Variants in SEM1 observed in about 807,000 individuals in gnomAD.
SEM1 encodes SEM1 26S proteasome subunit.
In SEM1, 3 loss-of-function variants were observed where a neutral mutation model predicts 12.7. That is an observed-to-expected ratio of 0.24 (90% CI 0.11 to 0.61). The LOEUF is 0.61. SEM1 is among the 20% of genes least tolerant of loss of function. SEM1 has a pLI of 0.88. For missense variants in SEM1, 59 were observed against 81.3 expected (o/e 0.73, Z 1.06); for synonymous variants, 30 against 27.8 (o/e 1.08, Z -0.25).
intron 2 of SEM1, among the ~76,000 whole-genome samples, chr7:96,654,462 C>T (rs868476111): frequency 4.6e-5 from 7 of 152,158 alleles, no homozygotes; most frequent in Admixed American, 1.3e-4. Context: ...TCATAGAAAC[C>T]ATACTTTGAA....
intron 2 of SEM1, among the ~76,000 whole-genome samples, chr7:96,615,241 CTTTTTTTTTTTTTTT>C (rs60940244): frequency 7.9e-6 from 1 of 126,410 alleles, no homozygotes; most frequent in Admixed American, 8.7e-5. Context: ...TTTGAGTCAT[CTTTTTTTTTTTTTTT>C]TTTTTTTTTG....
intron 2 of SEM1, among the ~76,000 whole-genome samples, chr7:96,693,860 G>A (rs947336494): frequency 2.7e-5 from 4 of 150,864 alleles, no homozygotes; most frequent in African/African-American, 9.7e-5. Context: ...GTACACGTAC[G>A]TTCATAGCAG....
At chr7:96,669,439 A>G (rs567839874), downstream of SEM1, among the ~76,000 whole-genome samples, 1 of 152,338 alleles carries the variant, frequency 6.6e-6, no homozygotes, top group African/African-American at 2.4e-5. Flanking sequence ...AATTTCATAT[A>G]ATTTTCCTGA....
intron 1 of SEM1, among the ~76,000 whole-genome samples, chr7:96,703,981 A>G (rs1790357441): frequency 7.9e-6 from 1 of 126,580 alleles, no homozygotes; most frequent in African/African-American, 2.8e-5. Context: ...AAACACACAC[A>G]CACACACACA....
rs376530491 is a variant in SEM1, at chr7:96,605,349, G to C, written c.170+89449C>G. On this transcript the variant is annotated intron_variant and NMD_transcript_variant, in intron 2 of 3. Coordinates refer to the SEM1 transcript ENST00000466986. ...CCCAAAATAAATATTTCATGTGAAG[G>C]CCAACAATGAAAAACAATAGGAAAA... Among the ~76,000 whole-genome samples the C allele has an allele frequency of 1.9e-4, 29 of 152,118 alleles. No homozygotes were observed. In the East Asian group the frequency reaches 2.5e-3, roughly 13 times the overall value.
chr7:96,639,161 G>A (rs1393441676), intron 2 of SEM1, among the ~76,000 whole-genome samples: 1 of 151,948 alleles, frequency 6.6e-6, no homozygotes, highest in Non-Finnish European at 1.5e-5. Flanking sequence ...AACTGGGAAT[G>A]ATCTCCAGTT....
intron 2 of SEM1, chr7:96,673,890 T>C (rs1323461149): frequency 1.4e-5 from 11 of 762,512 alleles, no homozygotes; most frequent in Non-Finnish European, 2.2e-5. Context: ...AAGCAAACTT[T>C]TAAGTATCAA....
intron 2 of SEM1, among the ~76,000 whole-genome samples, chr7:96,539,704 T>C (rs1451255015): frequency 4.0e-5 from 6 of 151,740 alleles, no homozygotes; most frequent in East Asian, 3.9e-4. Context: ...ATAAGCCTCC[T>C]GGGGCAAAAA....
intron 2 of SEM1, among the ~76,000 whole-genome samples, chr7:96,637,627 C>T (rs2116372534): frequency 6.6e-6 from 1 of 152,012 alleles, no homozygotes; most frequent in East Asian, 1.9e-4. Context: ...ATGAGGGGCC[C>T]AGTTCACTCT....
At chr7:96,582,154 C>T (rs1806432411) in intron 2 of SEM1, among the ~76,000 whole-genome samples, 1 of 151,380 alleles carries the variant, frequency 6.6e-6, no homozygotes, top group South Asian at 2.1e-4. Context: ...CCATCAATAC[C>T]TAATTTATTG....
chr7:96,596,781 T>G (rs1807011069), intron 2 of SEM1, among the ~76,000 whole-genome samples: 1 of 152,202 alleles, frequency 6.6e-6, no homozygotes, highest in African/African-American at 2.4e-5. Flanking sequence ...TTTTTTGTCT[T>G]TGTCAAAACA....
chr7:96,673,645 A>C (rs1789379380), exon 3 of SEM1: 4 of 665,588 alleles, frequency 6.0e-6, no homozygotes, highest in Middle Eastern at 2.4e-4. Context: ...CTCCCTCCTT[A>C]CTGACTCCAT....
At chr7:96,607,870 T>C (rs1807429894) in intron 2 of SEM1, among the ~76,000 whole-genome samples, 1 of 152,214 alleles carries the variant, frequency 6.6e-6, no homozygotes, top group African/African-American at 2.4e-5. Context: ...GCACCTTCCC[T>C]TTTTATCCAT....
intron 3 of SEM1, chr7:96,484,073 A>C: frequency 2.4e-6 from 3 of 1,244,284 alleles, no homozygotes; most frequent in Non-Finnish European, 3.3e-6. Context: ...CTTCACAACA[A>C]CCCTATAGGG....
chr7:96,592,457 G>A (rs1452457554), intron 2 of SEM1, among the ~76,000 whole-genome samples: 2 of 151,860 alleles, frequency 1.3e-5, no homozygotes, highest in East Asian at 3.9e-4. Flanking sequence ...TTAAGCACAG[G>A]CAGCTGGAGA....
In SEM1 at chr7:96,527,374, A is replaced by G. The variant is rs565516698; in HGVS notation, c.171-20676T>C. 6.2e-4 allele frequency among the ~76,000 whole-genome samples: 94 copies of G among 152,252 alleles called. 2 individuals are homozygous for G. The South Asian group carries it at 0.018, about 30-fold the overall frequency. Reference sequence around the variant, plus strand: ...GTCACTTCTAATTTCTCTGGTTCCCATGATTTAGAGCAGACCCAGGATCTG... The same window carrying G: ...GTCACTTCTAATTTCTCTGGTTCCCGTGATTTAGAGCAGACCCAGGATCTG... On this transcript the variant is annotated intron_variant and NMD_transcript_variant, in intron 2 of 3. Coordinates refer to the SEM1 transcript ENST00000466986.
In SEM1 at chr7:96,556,391, G is replaced by T. The variant is rs183656893; in HGVS notation, c.171-49693C>A. On this transcript the variant is annotated intron_variant and NMD_transcript_variant, in intron 2 of 3. Transcript: ENST00000466986. ...GCTCTTGTAAGGCAGGCCTGGTGGTGACAAAATTTCTTAGCATTTGCTTGT... is the reference window on the plus strand; with the variant it reads ...GCTCTTGTAAGGCAGGCCTGGTGGTTACAAAATTTCTTAGCATTTGCTTGT... Among the ~76,000 whole-genome samples, 1,365 of 152,074 alleles carry T rather than the reference G, an allele frequency of 9.0e-3. 26 individuals carry two copies. The highest frequency in any genetic ancestry group is 0.031 in the African/African-American group (1,297 of 41,486).
In SEM1 at chr7:96,688,855, C is replaced by A; in HGVS notation, c.*69G>T. The A allele has an allele frequency of 1.1e-6, 1 of 903,228 alleles. No homozygotes were observed. Among genetic ancestry groups the A allele is most frequent in the Non-Finnish European group, 1.8e-6 (1 of 556,502 alleles). The allele number at this position is 903,228 out of a possible 1,614,324, so 56.0% of individuals were successfully genotyped here. A position where few individuals can be genotyped will look rare whatever the true frequency, so the allele number is the denominator to read the frequency against. On this transcript the variant is annotated 3_prime_UTR_variant, in exon 3 of 3. Coordinates refer to ENST00000248566, the MANE Select transcript of SEM1 (RefSeq NM_006304.2). ...TAAACACATTTTTTTAGTGTCCCAT[C>A]CTGGGTTCTCTGCCCTAGAATGTAT...
chr7:96,691,243 G>A (rs528270359), intron 2 of SEM1, among the ~76,000 whole-genome samples: 1 of 152,278 alleles, frequency 6.6e-6, no homozygotes, highest in East Asian at 1.9e-4. Flanking sequence ...TTCTGTTAAA[G>A]GTAATTACAC....
Sources: gnomAD v4.1 joint callset for allele counts (sites outside exome capture counted in the v4.1 genomes callset) on GRCh38, gnomAD v4.1.1 for gene constraint, MANE v1.5 for transcripts, NCBI Gene and HGNC (gene_info 2026-07-23, HGNC 2026-07-21) for gene names.